Variants in THEMIS observed in about 807,000 individuals in gnomAD.
The protein encoded by THEMIS is thymocyte selection associated, also known as protein THEMIS.
In THEMIS, 37 loss-of-function variants were observed where a neutral mutation model predicts 52.6. The ratio of observed to expected loss-of-function variants is 0.70; its 90% confidence interval spans 0.54 to 0.93. The LOEUF (loss-of-function observed/expected upper bound fraction) is 0.93. Ranked by LOEUF, THEMIS falls within the 40% of genes least tolerant of loss-of-function variation. The pLI, the probability that THEMIS is intolerant of heterozygous loss-of-function variation, is 0.00. For synonymous variants in THEMIS, 292 were observed against 272.7 expected (o/e 1.07, Z -0.70); for missense variants, 808 against 763.1 (o/e 1.06, Z -0.69).
At chr6:127,767,187 G>C (rs1009597540) in intron 4 of THEMIS, among the ~76,000 whole-genome samples, 16 of 151,894 alleles carry the variant, frequency 1.1e-4, no homozygotes, top group African/African-American at 3.4e-4. Flanking sequence ...CACCTCCCGG[G>C]TTCAAGTGAT....
At chr6:127,876,821 T>C (rs1428487213) in intron 1 of THEMIS, among the ~76,000 whole-genome samples, 1 of 152,176 alleles carries the variant, frequency 6.6e-6, no homozygotes, top group Non-Finnish European at 1.5e-5. Context: ...TACGTGGAAA[T>C]AAATTTTTAA....
intron 4 of THEMIS, among the ~76,000 whole-genome samples, chr6:127,771,012 T>C (rs1364461783): frequency 6.6e-6 from 1 of 152,138 alleles, no homozygotes; most frequent in Non-Finnish European, 1.5e-5. Context: ...TGATTGTATA[T>C]TTAGAAAACC....
At chr6:127,816,554 C>T (rs1778142340) in intron 3 of THEMIS, among the ~76,000 whole-genome samples, 1 of 152,166 alleles carries the variant, frequency 6.6e-6, no homozygotes, top group Non-Finnish European at 1.5e-5. Flanking sequence ...CAGAGACATC[C>T]TTAGCTTTTC....
At chr6:127,783,171 A>G (rs893695103) in intron 4 of THEMIS, among the ~76,000 whole-genome samples, 6 of 152,186 alleles carry the variant, frequency 3.9e-5, no homozygotes, top group Non-Finnish European at 8.8e-5. Context: ...GGTGTTGGGA[A>G]AACTGGCTAG....
chr6:127,849,074 C>T (rs1415258326), intron 2 of THEMIS, among the ~76,000 whole-genome samples: 1 of 152,098 alleles, frequency 6.6e-6, no homozygotes, highest in African/African-American at 2.4e-5. Flanking sequence ...ACATTTAAGT[C>T]TTTACTCCAT....
At chr6:127,735,335 G>T (rs951307981) in intron 4 of THEMIS, among the ~76,000 whole-genome samples, 1 of 151,962 alleles carries the variant, frequency 6.6e-6, no homozygotes, top group African/African-American at 2.4e-5. Context: ...GTGTGTGTGT[G>T]TCTGTGTGTG....
chr6:127,862,866 A>T (rs1390732094), intron 1 of THEMIS, among the ~76,000 whole-genome samples: 1 of 152,110 alleles, frequency 6.6e-6, no homozygotes, highest in African/African-American at 2.4e-5. Flanking sequence ...TCCAGATATG[A>T]CCTAATAATC....
chr6:127,703,307 A>T (rs1743671960), downstream of THEMIS, among the ~76,000 whole-genome samples: 1 of 152,112 alleles, frequency 6.6e-6, no homozygotes, highest in African/African-American at 2.4e-5. Flanking sequence ...TTGGCCTCCC[A>T]AAGTGCTGGG....
Position 127,714,177 on chromosome 6 carries a change from C to A in THEMIS, c.1895-4161G>T, listed in dbSNP as rs901256910. On this transcript the variant is annotated intron_variant, in intron 5 of 5. Coordinates refer to ENST00000368248, the MANE Select transcript of THEMIS (RefSeq NM_001010923.3). ...AGTGTGATCCATAGAACCCCTACAG[C>A]AGACTCACCTGAGATACATTGAAAC... 4.7e-4 allele frequency among the ~76,000 whole-genome samples: 72 copies of A among 151,870 alleles called. 1 individual carries two copies. The highest frequency in any genetic ancestry group is 4.7e-3 in the Admixed American group (71 of 15,216).
At chr6:127,706,792 G>C (rs1431007070), downstream of THEMIS, among the ~76,000 whole-genome samples, 2 of 152,132 alleles carry the variant, frequency 1.3e-5, no homozygotes, top group Non-Finnish European at 2.9e-5. Flanking sequence ...AAGTAAGGGA[G>C]TGACCTGTGT....
Position 127,814,032 on chromosome 6 carries a change from A to G in THEMIS, c.710-101T>C, listed in dbSNP as rs960001098. 1.1e-5 allele frequency: 11 copies of G among 1,019,304 alleles called. No individual in the cohort carries two copies. In the African/African-American group the frequency reaches 1.3e-4, roughly 12 times the overall value. 63.1% of individuals were successfully genotyped at this position (1,019,304 alleles called of 1,614,324 possible). On this transcript the variant is annotated intron_variant, in intron 3 of 5. Transcript: ENST00000368248. The stretch of plus-strand genomic sequence containing the variant: ...TAAATAAATTTCTTTTACAAAATAA[A>G]GAACTCAGATGATCATCATATATCA...
chr6:127,780,782 C>T (rs751340555), intron 4 of THEMIS, among the ~76,000 whole-genome samples: 1 of 152,136 alleles, frequency 6.6e-6, no homozygotes, highest in Non-Finnish European at 1.5e-5. Flanking sequence ...GTCTGATAGG[C>T]TTCTCTTTGT....
At chr6:127,880,398 C>T in intron 1 of THEMIS, among the ~76,000 whole-genome samples, 1 of 148,466 alleles carries the variant, frequency 6.7e-6, no homozygotes, top group Non-Finnish European at 1.5e-5. Flanking sequence ...AATATATATG[C>T]TGTGTTTAGA....
At chr6:127,822,066 C>T (rs1233845820) in intron 3 of THEMIS, among the ~76,000 whole-genome samples, 2 of 151,862 alleles carry the variant, frequency 1.3e-5, no homozygotes, top group Admixed American at 6.6e-5. Flanking sequence ...ACTGTTTAAT[C>T]TTTGTCATTT....
In THEMIS at chr6:127,708,210, G is replaced by A. The variant is rs898018530; in HGVS notation, c.*1775C>T. Reference sequence around the variant, plus strand: ...GAGAACACATACAAATAAAAATTAGGAAGTTTATTTTCAACCTTCCCAAAT... The same window carrying A: ...GAGAACACATACAAATAAAAATTAGAAAGTTTATTTTCAACCTTCCCAAAT... On this transcript the variant is annotated 3_prime_UTR_variant, in exon 6 of 6. Coordinates refer to ENST00000368248, the MANE Select transcript of THEMIS (RefSeq NM_001010923.3). The A allele has an allele frequency of 3.3e-5, 5 of 152,002 alleles. No individual in the cohort carries two copies. Among genetic ancestry groups the A allele is most frequent in the Non-Finnish European group, 7.4e-5 (5 of 67,992 alleles). 9.4% of individuals were successfully genotyped at this position (152,002 alleles called of 1,614,324 possible). A position where few individuals can be genotyped will look rare whatever the true frequency, so the allele number is the denominator to read the frequency against.
chr6:127,831,926 C>T (rs561364920), intron 2 of THEMIS, among the ~76,000 whole-genome samples: 22 of 151,818 alleles, frequency 1.4e-4, no homozygotes, highest in Non-Finnish European at 2.9e-4. Context: ...TGTGTGTGTG[C>T]GCGTGCCTGT....
chr6:127,867,555 C>A (rs2114365442), intron 1 of THEMIS, among the ~76,000 whole-genome samples: 1 of 152,178 alleles, frequency 6.6e-6, no homozygotes, highest in Non-Finnish European at 1.5e-5. Context: ...TTAGTAGCTG[C>A]AATAGATATT....
chr6:127,708,902 T>A lies in THEMIS; in HGVS notation c.*1083A>T, dbSNP rs1474528742. On this transcript the variant is annotated 3_prime_UTR_variant, in exon 6 of 6. Coordinates refer to ENST00000368248, the MANE Select transcript of THEMIS (RefSeq NM_001010923.3). ...AACATAAAATAATTATGAGATAGGA[T>A]GTTAGCTAACAAATTTTGTACAGAG... 6.6e-6 allele frequency: 1 copy of A among 152,060 alleles called. No individual in the cohort carries two copies. The highest frequency in any genetic ancestry group is 6.6e-5 in the Admixed American group (1 of 15,246). The allele number at this position is 152,060 out of a possible 1,614,324, so 9.4% of individuals were successfully genotyped here.
At chr6:127,737,844 C>T (rs1775059776) in intron 4 of THEMIS, among the ~76,000 whole-genome samples, 1 of 152,140 alleles carries the variant, frequency 6.6e-6, no homozygotes, top group Admixed American at 6.5e-5. Flanking sequence ...ATACCCCTGA[C>T]ATGGATCAGT....
Sources: allele counts gnomAD v4.1 joint callset (sites outside exome capture counted in the v4.1 genomes callset), GRCh38; gene constraint gnomAD v4.1.1; transcripts MANE v1.5; gene names NCBI Gene and HGNC (gene_info 2026-07-23, HGNC 2026-07-21).